The following APOOL variants were observed in gnomAD, a reference collection of about 807,000 sequenced individuals.
APOOL encodes MICOS complex subunit MIC27.
Under a neutral mutation model 23.1 loss-of-function variants are expected in APOOL, and 12 were observed. The observed-to-expected ratio is 0.52, with a 90% CI of 0.33 to 0.84. APOOL has a LOEUF of 0.84. APOOL is among the 40% of genes least tolerant of loss of function. The pLI is 0.02. For missense variants in APOOL, 212 were observed against 199.6 expected, an observed-to-expected ratio of 1.06 and a Z score of -0.37; for synonymous variants, 77 against 69.9, an observed-to-expected ratio of 1.10 and a Z score of -0.51.
chrX:85,061,026 A>G (rs2147653528), intron 5 of APOOL, among the ~76,000 whole-genome samples: 1 of 111,238 alleles, frequency 9.0e-6, no homozygotes, highest in East Asian at 2.8e-4. Context: ...TTTGTCATAG[A>G]TAGCTCTTAT....
intron 3 of APOOL, among the ~76,000 whole-genome samples, chrX:85,052,193 T>C (rs1298898492): frequency 8.9e-6 from 1 of 112,356 alleles, no homozygotes; most frequent in Non-Finnish European, 1.9e-5. Context: ...TGTGAAGTTC[T>C]GAGATTACTT....
At chrX:85,038,377 G>A (rs922945376) in intron 1 of APOOL, among the ~76,000 whole-genome samples, 1 of 110,198 alleles carries the variant, frequency 9.1e-6, no homozygotes, top group Admixed American at 9.7e-5. Context: ...GTTTCTGTGG[G>A]GTTTTGGTAT....
intron 5 of APOOL, among the ~76,000 whole-genome samples, chrX:85,063,782 G>A (rs953631099): frequency 1.8e-5 from 2 of 111,068 alleles, no homozygotes; most frequent in Admixed American, 9.6e-5. Flanking sequence ...TTTTACTGAG[G>A]ATTTTTGCAT....
At chrX:85,004,043 G>T in intron 1 of APOOL, 116 bp downstream of exon 1, 1 of 942,066 alleles carries the variant, frequency 1.1e-6, no homozygotes, top group South Asian at 2.0e-5. Context: ...GGTGGAGGTG[G>T]GTTTTGAGAT....
chrX:85,060,583 G>A (rs1327268672), intron 5 of APOOL, among the ~76,000 whole-genome samples: 1 of 111,014 alleles, frequency 9.0e-6, no homozygotes, highest in African/African-American at 3.3e-5. Context: ...TTTCCTTGAA[G>A]AGGTCCTTCA....
chrX:85,051,187 T>C (rs1363297729), intron 2 of APOOL, among the ~76,000 whole-genome samples: 4 of 111,673 alleles, frequency 3.6e-5, no homozygotes, highest in Non-Finnish European at 7.5e-5. Flanking sequence ...ATTTGGCATC[T>C]TTTAATTTCT....
chrX:85,072,334 T>C (rs1272201992), intron 6 of APOOL, among the ~76,000 whole-genome samples: 3 of 111,350 alleles, frequency 2.7e-5, no homozygotes, highest in Non-Finnish European at 5.7e-5. Flanking sequence ...ATAATATCAC[T>C]GCTGGTAAAT....
At chrX:85,062,355 A>C (rs1488291809) in intron 5 of APOOL, among the ~76,000 whole-genome samples, 1 of 111,691 alleles carries the variant, frequency 9.0e-6, no homozygotes, top group African/African-American at 3.3e-5. Flanking sequence ...TTTGCTATGC[A>C]GAAGCTCTTT....
At chrX:85,044,976 A>G (rs761279079) in intron 1 of APOOL, among the ~76,000 whole-genome samples, 2 of 111,745 alleles carry the variant, frequency 1.8e-5, no homozygotes, top group Non-Finnish European at 3.8e-5. Flanking sequence ...ATTTCAAAAA[A>G]AGCTTTTCAA....
chrX:85,030,227 T>C (rs1306338623), intron 1 of APOOL, among the ~76,000 whole-genome samples: 1 of 111,486 alleles, frequency 9.0e-6, no homozygotes, highest in Non-Finnish European at 1.9e-5. Context: ...GAGCTGGCAG[T>C]CATTATTCTA....
chrX:85,078,894 C>T (rs1447980196), intron 8 of APOOL, among the ~76,000 whole-genome samples: 1 of 111,387 alleles, frequency 9.0e-6, no homozygotes, highest in Non-Finnish European at 1.9e-5. Context: ...CTCTGTTTGT[C>T]TGTTAATGGT....
chrX:85,091,288 CTTAGA>C lies in APOOL; in HGVS notation c.*3613_*3617del, dbSNP rs1924510824. 1 of 112,117 alleles carries C rather than the reference CTTAGA, an allele frequency of 8.9e-6. No homozygotes were observed. The highest frequency in any genetic ancestry group is 3.2e-5 in the African/African-American group (1 of 30,859). 9.2% of individuals were successfully genotyped at this position (112,117 alleles called of 1,213,427 possible). On this transcript the variant is annotated 3_prime_UTR_variant, in exon 9 of 9. Coordinates refer to ENST00000373173, the MANE Select transcript of APOOL (RefSeq NM_198450.6). ...TAAAAAATAAAGGTATATAATATGTCTTAGATTTGATGAAATATGAGTGTGTTTGA... is the reference window on the plus strand; with the variant it reads ...TAAAAAATAAAGGTATATAATATGTCTTTGATGAAATATGAGTGTGTTTGA...
At chrX:85,019,672 G>A (rs1921591753) in intron 1 of APOOL, among the ~76,000 whole-genome samples, 1 of 111,529 alleles carries the variant, frequency 9.0e-6, no homozygotes, top group Non-Finnish European at 1.9e-5. Flanking sequence ...TACTTGCTGG[G>A]GTAGTAGTGC....
At chrX:85,005,061 A>G (rs1921010645) in intron 1 of APOOL, among the ~76,000 whole-genome samples, 1 of 111,173 alleles carries the variant, frequency 9.0e-6, no homozygotes. Context: ...TTCAGCAGCT[A>G]TTTGTGTACA....
chrX:85,093,234 T>C lies in APOOL; in HGVS notation c.*5556T>C. 1 of 1,159,923 alleles carries C rather than the reference T, an allele frequency of 8.6e-7. No individual in the cohort carries two copies. Among genetic ancestry groups the C allele is most frequent in the Non-Finnish European group, 1.2e-6 (1 of 867,848 alleles). ...AGCTCCAATACCTAGGCCTTTTAAATAGACAATGCAAAGTGAAAACTGCAA... is the reference window on the plus strand; with the variant it reads ...AGCTCCAATACCTAGGCCTTTTAAACAGACAATGCAAAGTGAAAACTGCAA... On this transcript the variant is annotated 3_prime_UTR_variant, in exon 9 of 9. Coordinates refer to ENST00000373173, the MANE Select transcript of APOOL (RefSeq NM_198450.6).
intron 8 of APOOL, among the ~76,000 whole-genome samples, chrX:85,085,717 G>A (rs973436655): frequency 1.8e-5 from 2 of 112,274 alleles, no homozygotes; most frequent in Non-Finnish European, 3.8e-5. Flanking sequence ...CTGAAAAAAT[G>A]TTTGTAGTAT....
intron 1 of APOOL, among the ~76,000 whole-genome samples, chrX:85,023,140 A>G (rs1921727226): frequency 8.9e-6 from 1 of 111,997 alleles, no homozygotes; most frequent in Admixed American, 9.5e-5. Flanking sequence ...AAAAGGACTA[A>G]GACCCTGTTT....
intron 1 of APOOL, among the ~76,000 whole-genome samples, chrX:85,033,416 C>G (rs1325983794): frequency 8.9e-6 from 1 of 111,904 alleles, no homozygotes; most frequent in Non-Finnish European, 1.9e-5. Flanking sequence ...AAGAAAACAC[C>G]AGATGCTATG....
intron 1 of APOOL, among the ~76,000 whole-genome samples, chrX:85,009,285 T>G (rs143786597): frequency 4.6e-4 from 52 of 112,068 alleles, no homozygotes; most frequent in African/African-American, 1.6e-3. Context: ...CTTCCAGTGC[T>G]ATGTTAAATA....
Sources: allele counts gnomAD v4.1 joint callset (sites outside exome capture counted in the v4.1 genomes callset), GRCh38; gene constraint gnomAD v4.1.1; transcripts MANE v1.5; gene names NCBI Gene and HGNC (gene_info 2026-07-23, HGNC 2026-07-21).